The following FGF14 variants were observed in gnomAD, a reference collection of about 807,000 sequenced individuals.
FGF14 encodes the protein fibroblast growth factor homologous factor 4.
A neutral mutation model predicts 25.5 loss-of-function variants in FGF14; 5 were observed. The observed-to-expected ratio is 0.20, with a 90% CI of 0.10 to 0.41. FGF14 has a LOEUF of 0.41. Ranked by LOEUF, FGF14 falls within the 10% of genes least tolerant of loss-of-function variation. The probability of loss-of-function intolerance (pLI) is 1.00; values close to 1 mark genes in which losing one functional copy is unlikely to be tolerated. For missense variants in FGF14, 222 were observed against 320.1 expected (o/e 0.69, Z 2.34); for synonymous variants, 138 against 118.3 (o/e 1.17, Z -1.08).
chr13:101,834,386 T>C (rs2042820210), intron 3 of FGF14, among the ~76,000 whole-genome samples: 1 of 152,064 alleles, frequency 6.6e-6, no homozygotes. Flanking sequence ...AGCAAAGGGA[T>C]GGCAAATATG....
intron 1 of FGF14, among the ~76,000 whole-genome samples, chr13:102,384,871 A>G (rs1387551483): frequency 6.6e-6 from 1 of 152,208 alleles, no homozygotes. Context: ...CTAAAGGAAA[A>G]CTAAAAACAA....
intron 1 of FGF14, among the ~76,000 whole-genome samples, chr13:102,261,383 G>GA (rs1008768935): frequency 2.6e-5 from 4 of 152,172 alleles, no homozygotes; most frequent in South Asian, 2.1e-4. Context: ...AAAGAAATGG[G>GA]AAAAAAATGA....
intron 1 of FGF14, among the ~76,000 whole-genome samples, chr13:102,231,701 G>A (rs1039610089): frequency 7.9e-5 from 12 of 152,182 alleles, no homozygotes; most frequent in Admixed American, 7.9e-4. Flanking sequence ...AGAGCACAGA[G>A]AAGTCAGATC....
At chr13:101,962,101 T>G (rs1032210430) in intron 1 of FGF14, among the ~76,000 whole-genome samples, 1 of 152,182 alleles carries the variant, frequency 6.6e-6, no homozygotes, top group Non-Finnish European at 1.5e-5. Context: ...CTGTGAAGAA[T>G]GTCAATGGTA....
chr13:102,072,598 A>G (rs555593135), intron 1 of FGF14, among the ~76,000 whole-genome samples: 1 of 152,358 alleles, frequency 6.6e-6, no homozygotes, highest in African/African-American at 2.4e-5. Flanking sequence ...AGGGAGTGTT[A>G]TACACTGAAT....
chr13:102,231,475 TG>T (rs1204765550), intron 1 of FGF14, among the ~76,000 whole-genome samples: 1 of 152,196 alleles, frequency 6.6e-6, no homozygotes, highest in Non-Finnish European at 1.5e-5. Flanking sequence ...AGGCAGGGTC[TG>T]TGGGGTAAAA....
chr13:102,328,917 T>C (rs940862591), intron 1 of FGF14, among the ~76,000 whole-genome samples: 2 of 152,074 alleles, frequency 1.3e-5, no homozygotes, highest in Non-Finnish European at 2.9e-5. Flanking sequence ...TCCATTCTCC[T>C]CTCCCCTTAT....
At chr13:101,724,397 A>C (rs569121119) in intron 4 of FGF14, among the ~76,000 whole-genome samples, 1,685 of 149,194 alleles carry the variant, frequency 0.011, 16 homozygotes, top group Non-Finnish European at 0.015. Context: ...AACAATGAGA[A>C]CACTTGGACA....
At chr13:102,294,653 GC>G (rs984484791) in intron 1 of FGF14, among the ~76,000 whole-genome samples, 3 of 152,080 alleles carry the variant, frequency 2.0e-5, no homozygotes, top group African/African-American at 7.2e-5. Flanking sequence ...ATTTCTGTTT[GC>G]CCTCCCCTCC....
chr13:102,394,640 G>A (rs1295676322), intron 1 of FGF14: 1 of 152,326 alleles, frequency 6.6e-6, no homozygotes, highest in African/African-American at 2.4e-5. Flanking sequence ...GCGTAGCGAA[G>A]CCCCCGGCGA....
rs79193721 is a variant in FGF14 at position 102,184,940 on chromosome 13, G to A, written c.208+216531C>T. Among the ~76,000 whole-genome samples the A allele has an allele frequency of 2.3e-3, 355 of 152,156 alleles. 1 individual carries two copies. Among genetic ancestry groups the A allele is most frequent in the African/African-American group, 8.1e-3 (336 of 41,534 alleles). ...GACATCACTCAAGTATTCAATATTA[G>A]GTACATGCTTAAATAAGACAGAATA... On this transcript the variant is annotated intron_variant, in intron 1 of 4. Coordinates refer to the FGF14 transcript ENST00000376131.
At chr13:102,139,573 T>C (rs545569641) in intron 1 of FGF14, among the ~76,000 whole-genome samples, 1 of 152,208 alleles carries the variant, frequency 6.6e-6, no homozygotes, top group African/African-American at 2.4e-5. Context: ...CTATGAGCAA[T>C]GCTCCACGGA....
intron 1 of FGF14, among the ~76,000 whole-genome samples, chr13:102,185,061 G>C (rs892314555): frequency 1.3e-5 from 2 of 152,000 alleles, no homozygotes; most frequent in Non-Finnish European, 2.9e-5. Context: ...AGTAAAGAAA[G>C]CATATGTTCT....
At chr13:102,108,885 T>C (rs905407669) in intron 1 of FGF14, among the ~76,000 whole-genome samples, 8 of 152,208 alleles carry the variant, frequency 5.3e-5, no homozygotes, top group African/African-American at 1.7e-4. Context: ...TTAACACATA[T>C]TGTCCTTATG....
At chr13:102,166,159 G>C (rs973485757) in intron 1 of FGF14, among the ~76,000 whole-genome samples, 4 of 149,484 alleles carry the variant, frequency 2.7e-5, no homozygotes, top group African/African-American at 9.9e-5. Context: ...CTCTAGGTAT[G>C]TAAGTAAAAG....
chr13:102,207,624 T>TAAAA (rs35568335), intron 1 of FGF14, among the ~76,000 whole-genome samples: 39 of 92,440 alleles, frequency 4.2e-4, no homozygotes, highest in Non-Finnish European at 4.5e-4. Flanking sequence ...CAGTTTTCAT[T>TAAAA]AAAAAAAAAA....
intron 1 of FGF14, among the ~76,000 whole-genome samples, chr13:102,297,951 T>C (rs985277321): frequency 2.0e-5 from 3 of 152,128 alleles, no homozygotes; most frequent in Non-Finnish European, 4.4e-5. Flanking sequence ...AGAATGTGCA[T>C]GCAGGGAAGT....
intron 1 of FGF14, among the ~76,000 whole-genome samples, chr13:102,004,862 C>T (rs1447832643): frequency 2.0e-5 from 3 of 152,194 alleles, no homozygotes; most frequent in Non-Finnish European, 4.4e-5. Context: ...GCACTTCTTC[C>T]TTCCACCATG....
chr13:101,726,957 G>A (rs1050839722), intron 3 of FGF14, 147 bp from the exon 4 acceptor site: 1 of 604,800 alleles, frequency 1.7e-6, no homozygotes, highest in Non-Finnish European at 2.9e-6. Context: ...CACAGTAATT[G>A]TCTATACATT....
Sources: allele counts gnomAD v4.1 joint callset (sites outside exome capture counted in the v4.1 genomes callset), GRCh38; gene constraint gnomAD v4.1.1; transcripts MANE v1.5; gene names NCBI Gene and HGNC (gene_info 2026-07-23, HGNC 2026-07-21).